The following COL26A1 variants were observed in gnomAD, a reference collection of about 807,000 sequenced individuals.
COL26A1 encodes the protein collagen type XXVI alpha 1 chain, also known as collagen alpha-1(XXVI) chain.
COL26A1 carries 41 observed loss-of-function variants against 59.3 expected under a neutral mutation model. The observed-to-expected ratio is 0.69, with a 90% CI of 0.54 to 0.90. The LOEUF (loss-of-function observed/expected upper bound fraction) is 0.90, where lower values mean the gene tolerates loss of function less well. COL26A1 is among the 40% of genes least tolerant of loss of function. The pLI is 0.00. For synonymous variants in COL26A1, 266 were observed against 256.0 expected (o/e 1.04, Z -0.37); for missense variants, 612 against 602.3 (o/e 1.02, Z -0.17).
intron 3 of COL26A1, among the ~76,000 whole-genome samples, chr7:101,498,122 GCTT>G (rs1794627248): frequency 6.6e-6 from 1 of 152,196 alleles, no homozygotes; most frequent in African/African-American, 2.4e-5. Flanking sequence ...GCAGAGGATG[GCTT>G]CTTCATCATG....
chr7:101,551,739 C>CA (rs1424721717), intron 10 of COL26A1, among the ~76,000 whole-genome samples: 1 of 128,226 alleles, frequency 7.8e-6, no homozygotes, highest in Non-Finnish European at 1.7e-5. Flanking sequence ...GAGTGAGACT[C>CA]CATCTCAAAA....
chr7:101,553,183 A>G (rs1247420027), intron 10 of COL26A1, 143 bp from the exon 11 acceptor site: 6 of 665,032 alleles, frequency 9.0e-6, no homozygotes, highest in Non-Finnish European at 1.6e-5. Context: ...CCAGGGCAGG[A>G]GTCCCCTGGG....
chr7:101,429,654 T>C (rs976046228), intron 2 of COL26A1, among the ~76,000 whole-genome samples: 1 of 145,868 alleles, frequency 6.9e-6, no homozygotes, highest in Non-Finnish European at 1.5e-5. Flanking sequence ...GTGTAGTGGT[T>C]CAATCATAGC....
Position 101,420,018 on chromosome 7 carries a change from A to G in COL26A1, c.200A>G (p.Gln67Arg). The G allele has an allele frequency of 6.2e-7, 1 of 1,613,818 alleles. No homozygotes were observed. The highest frequency in any genetic ancestry group is 8.5e-7 in the Non-Finnish European group (1 of 1,179,876). The change falls in exon 2 of 13, where the codon CAG becomes CGG. Residue 67 changes from glutamine (Q) to arginine (R), a missense_variant. Physicochemically the swap from Gln to Arg is conservative, Grantham distance 43 (BLOSUM62 1). Transcript: ENST00000313669. ...ACAGTGACACGGACGGTGTCCTGCC[A>G]GGTGCAGAATGGCTCGGAGACGGTG... The part of the protein sequence containing the change: ...HHTVTRTVSC[Q>R]VQNGSETVVQ...
intron 3 of COL26A1, among the ~76,000 whole-genome samples, chr7:101,475,382 C>G (rs1215272675): frequency 6.6e-6 from 1 of 151,636 alleles, no homozygotes; most frequent in Non-Finnish European, 1.5e-5. Flanking sequence ...CTTTTATGAC[C>G]CGTGTCAGGG....
rs1796018056 is a variant in COL26A1 at position 101,557,873 on chromosome 7, T to C, written c.*343T>C. 1 of 209,326 alleles carries C rather than the reference T, an allele frequency of 4.8e-6. No homozygotes were observed. The highest frequency in any genetic ancestry group is 9.5e-6 in the Non-Finnish European group (1 of 104,952). 13.0% of individuals were successfully genotyped at this position (209,326 alleles called of 1,614,324 possible). On this transcript the variant is annotated 3_prime_UTR_variant, in exon 13 of 13. Transcript: ENST00000313669. The stretch of plus-strand genomic sequence containing the variant: ...CCCTGTCCAGGGAACTTTCGTTACG[T>C]TGTCTCATTATTTAACCCTTAGGAG...
intron 3 of COL26A1, among the ~76,000 whole-genome samples, chr7:101,486,193 T>A (rs1215739043): frequency 6.6e-6 from 1 of 151,084 alleles, no homozygotes; most frequent in Non-Finnish European, 1.5e-5. Context: ...AAAAGTAGTC[T>A]CAGATTCTCT....
intron 3 of COL26A1, among the ~76,000 whole-genome samples, chr7:101,524,980 C>G (rs1057233322): frequency 6.6e-6 from 1 of 152,100 alleles, no homozygotes; most frequent in African/African-American, 2.4e-5. Flanking sequence ...TATAGACAGA[C>G]TTTGTCCATG....
intron 4 of COL26A1, 36 bp from the exon 5 acceptor site, chr7:101,539,857 C>G: frequency 6.3e-7 from 1 of 1,593,340 alleles, no homozygotes; most frequent in Non-Finnish European, 8.5e-7. Context: ...GTGTCAGGCC[C>G]AACTGGGACC....
chr7:101,556,893 G>GTGGA (rs145625482), intron 12 of COL26A1, among the ~76,000 whole-genome samples: 13,484 of 146,570 alleles, frequency 0.092, 749 homozygotes, highest in African/African-American at 0.16. Flanking sequence ...GAATGACTGA[G>GTGGA]TGGATGGATG....
Position 101,488,984 on chromosome 7 carries a change from C to A in COL26A1, c.385+41197C>A, listed in dbSNP as rs988609503. Among the ~76,000 whole-genome samples the A allele has an allele frequency of 5.3e-5, 8 of 152,168 alleles. 1 individual carries two copies. Among genetic ancestry groups the A allele is most frequent in the Non-Finnish European group, 8.8e-5 (6 of 68,032 alleles). On this transcript the variant is annotated intron_variant, in intron 3 of 12. Transcript: ENST00000313669. ...ATGCAATTGGATATTGCCCTGGGGA[C>A]AAACCTGTTTTGCGTCTATTTGTAA... is the stretch of plus-strand genomic sequence containing the variant.
chr7:101,557,722 G>C lies in COL26A1; in HGVS notation c.*192G>C, dbSNP rs192058645. On this transcript the variant is annotated 3_prime_UTR_variant, in exon 13 of 13. Transcript: ENST00000313669. ...TGGAGGGGCCAACACCCTCATCAGA[G>C]CCCTCCTCTGGCCTGTCCCCTCCCC... 3.8e-3 allele frequency: 2,163 copies of C among 571,924 alleles called. 33 individuals are homozygous for C. The highest frequency in any genetic ancestry group is 0.036 in the African/African-American group (1,904 of 53,436). The allele number at this position is 571,924 out of a possible 1,614,324, so 35.4% of individuals were successfully genotyped here. A position where few individuals can be genotyped will look rare whatever the true frequency, so the allele number is the denominator to read the frequency against.
At chr7:101,476,173 T>TGTGTGA (rs1157236329) in intron 3 of COL26A1, among the ~76,000 whole-genome samples, 1 of 149,898 alleles carries the variant, frequency 6.7e-6, no homozygotes, top group Non-Finnish European at 1.5e-5. Flanking sequence ...TGTGTGTGTG[T>TGTGTGA]GTGTGAGTAG....
chr7:101,421,566 T>TG (rs1449533855), intron 2 of COL26A1, among the ~76,000 whole-genome samples: 1 of 151,190 alleles, frequency 6.6e-6, no homozygotes, highest in Non-Finnish European at 1.5e-5. Flanking sequence ...TCCCAGCTAC[T>TG]GAGGAGGCTG....
At chr7:101,507,130 G>C (rs947494091) in intron 3 of COL26A1, among the ~76,000 whole-genome samples, 2 of 152,122 alleles carry the variant, frequency 1.3e-5, no homozygotes, top group East Asian at 3.9e-4. Context: ...GGCCAGGCTG[G>C]TCTCAAACGC....
chr7:101,430,960 A>T (rs781723931), intron 2 of COL26A1, among the ~76,000 whole-genome samples: 4 of 151,374 alleles, frequency 2.6e-5, no homozygotes, highest in African/African-American at 7.3e-5. Flanking sequence ...ATGCCCGCTA[A>T]TTTTTTTTAT....
chr7:101,555,688 G>T, intron 11 of COL26A1, 99 bp from the exon 12 acceptor site: 1 of 769,088 alleles, frequency 1.3e-6, no homozygotes, highest in South Asian at 1.7e-5. Context: ...AGAGGCAGGG[G>T]TGGGGGGCTT....
At chr7:101,511,862 G>A (rs1176672977) in intron 3 of COL26A1, among the ~76,000 whole-genome samples, 1 of 152,034 alleles carries the variant, frequency 6.6e-6, no homozygotes, top group African/African-American at 2.4e-5. Context: ...GCATGGTGGT[G>A]CACACCTGTA....
rs541140659 is a variant in COL26A1, at chr7:101,472,901, G to A, written c.385+25114G>A. The stretch of plus-strand genomic sequence containing the variant: ...CCTAAAGCATTGCCTGCGTTTCCCC[G>A]ACATGGCGTTGGAATGTTCCAGAAT... On this transcript the variant is annotated intron_variant, in intron 3 of 12. Transcript: ENST00000313669. Among the ~76,000 whole-genome samples the A allele has an allele frequency of 5.3e-5, 8 of 151,554 alleles. 1 individual carries two copies. Among genetic ancestry groups the A allele is most frequent in the African/African-American group, 1.5e-4 (6 of 40,916 alleles).
Sources: allele counts gnomAD v4.1 joint callset (sites outside exome capture counted in the v4.1 genomes callset), GRCh38; gene constraint gnomAD v4.1.1; transcripts MANE v1.5; gene names NCBI Gene and HGNC (gene_info 2026-07-23, HGNC 2026-07-21).